WSCD1: variants seen among roughly 807,000 people sequenced by gnomAD.
The protein encoded by WSCD1 is WSC domain sialate O sulfotransferase 1.
Under a neutral mutation model 60.4 loss-of-function variants are expected in WSCD1, and 41 were observed. The ratio of observed to expected loss-of-function variants is 0.68; its 90% CI spans 0.53 to 0.88. WSCD1 has a LOEUF of 0.88. Among genes scored for constraint, WSCD1 ranks in the 40% least tolerant of loss-of-function variants. The pLI, the probability that WSCD1 is intolerant of heterozygous loss-of-function variation, is 0.00. For synonymous variants in WSCD1, 361 were observed against 332.5 expected, an observed-to-expected ratio of 1.09 and a Z score of -0.93; for missense variants, 784 against 796.2, an observed-to-expected ratio of 0.98 and a Z score of 0.18.
At chr17:6,107,194 A>G (rs192218937) in intron 5 of WSCD1, among the ~76,000 whole-genome samples, 1 of 152,192 alleles carries the variant, frequency 6.6e-6, no homozygotes, top group Admixed American at 6.5e-5. Flanking sequence ...CCTTTGTCGT[A>G]TTAGATTAGG....
rs780901136 is a variant in WSCD1 at position 6,080,956 on chromosome 17, C to A, written c.298C>A (p.Arg100Ser). Reference sequence around the variant, plus strand: ...CCTGACCCGGCCCCGGCCCGGCCCCCGCTGGCTCCGGAGCCGCAACTCGGA... The same window carrying A: ...CCTGACCCGGCCCCGGCCCGGCCCCAGCTGGCTCCGGAGCCGCAACTCGGA... ...SPLTRPRPGP[R>S]WLRSRNSELR... Residue 100 changes from arginine (R) to serine (S), a missense_variant, in exon 2 of 9, where the codon CGC becomes AGC. Physicochemically the swap from Arg to Ser is moderately radical, Grantham distance 110. Transcript: ENST00000317744. The surrounding 1 kb of genome is among the most constrained non-coding windows in gnomAD (Gnocchi z 6.6). The A allele has an allele frequency of 1.3e-6, 2 of 1,558,156 alleles. No individual in the cohort carries two copies. The highest frequency in any genetic ancestry group is 1.9e-5 in the Admixed American group (1 of 52,222).
At position 6,120,552 on chromosome 17, in the gene WSCD1, C is replaced by G. The variant is rs1904621595; in HGVS notation, c.1619C>G (p.Pro540Arg). 6.2e-7 allele frequency: 1 copy of G among 1,613,700 alleles called. No homozygotes were observed. The highest frequency in any genetic ancestry group is 1.1e-5 in the South Asian group (1 of 91,090). Reference sequence around the variant, plus strand: ...GGCCGGCGCTCCCACGACCCTGAGCCCTTCACCCCGGAGATGAAAGACTTG... The same window carrying G: ...GGCCGGCGCTCCCACGACCCTGAGCGCTTCACCCCGGAGATGAAAGACTTG... ...RRGRRSHDPEPFTPEMKDLIN... is the reference protein window; with the variant it reads ...RRGRRSHDPERFTPEMKDLIN... Residue 540 changes from proline to arginine, a missense_variant, in exon 9 of 9, where the codon CCC becomes CGC. Physicochemically the swap from Pro to Arg is moderately radical, Grantham distance 103 (BLOSUM62 -2). Transcript: ENST00000317744.
Position 6,090,399 on chromosome 17 carries a change from G to T in WSCD1, c.621G>T (p.Leu207=). 1 of 1,611,488 alleles carries T rather than the reference G, an allele frequency of 6.2e-7. No homozygotes were observed. ...GGCTGCCAGCGGTGAGCGTGGGGCT[G>T]GAAGAGTGTAACCATGAGTGCAAAG... ...GNRLPAVSVG[L]EECNHECKGE... Residue 207 remains leucine, a synonymous_variant, in exon 4 of 9, where the codon CTG becomes CTT. Coordinates refer to ENST00000317744, the MANE Select transcript of WSCD1 (RefSeq NM_015253.2).
chr17:6,100,265 G>A (rs1037855879), intron 5 of WSCD1, among the ~76,000 whole-genome samples: 1 of 152,178 alleles, frequency 6.6e-6, no homozygotes, highest in Non-Finnish European at 1.5e-5. Context: ...AATGTGGGAG[G>A]GAAGTTCTCC....
intron 1 of WSCD1, 72 bp downstream of exon 1, chr17:6,070,724 G>A (rs903805225): frequency 2.0e-5 from 3 of 151,388 alleles, no homozygotes; most frequent in Non-Finnish European, 4.4e-5. Flanking sequence ...CCTTGCCGCG[G>A]GCAAACAAGT....
chr17:6,114,301 C>G (rs1324393543), intron 7 of WSCD1, among the ~76,000 whole-genome samples: 1 of 152,048 alleles, frequency 6.6e-6, no homozygotes, highest in African/African-American at 2.4e-5. Flanking sequence ...AAAAGTTGAT[C>G]TCACTGATGT....
rs1911327133 is a variant in WSCD1 at position 6,110,138 on chromosome 17, AGGACCTGGGAACCCTCCTT to A, written c.1009+375_1009+393del. Among the ~76,000 whole-genome samples, 1 of 152,124 alleles carries A rather than the reference AGGACCTGGGAACCCTCCTT, an allele frequency of 6.6e-6. No individual in the cohort carries two copies. The highest frequency in any genetic ancestry group is 2.1e-4 in the South Asian group (1 of 4,816). On this transcript the variant is annotated intron_variant, in intron 6 of 8. Coordinates refer to ENST00000317744, the MANE Select transcript of WSCD1 (RefSeq NM_015253.2). This position sits in a 1 kb window ranked among gnomAD's most constrained non-coding sequence, Gnocchi z 4.8. ...AGCTGCAGGGGCCACTGGTGCCTCC[AGGACCTGGGAACCCTCCTT>A]GGTGTGAGCATCAGGTCTGCCCCTG...
chr17:6,088,626 C>G (rs914931490), intron 3 of WSCD1, among the ~76,000 whole-genome samples: 1 of 152,196 alleles, frequency 6.6e-6, no homozygotes, highest in Non-Finnish European at 1.5e-5. Context: ...TTGCCAGACA[C>G]TTGTCATGTG....
intron 5 of WSCD1, among the ~76,000 whole-genome samples, chr17:6,097,062 C>T (rs1050230999): frequency 2.6e-5 from 4 of 152,252 alleles, no homozygotes; most frequent in Admixed American, 6.5e-5. Context: ...ACAGAGTGGC[C>T]GGCTTTGCAG....
intron 1 of WSCD1, among the ~76,000 whole-genome samples, chr17:6,079,695 A>G (rs1045343174): frequency 6.6e-6 from 1 of 152,070 alleles, no homozygotes; most frequent in Non-Finnish European, 1.5e-5. Flanking sequence ...GCTCCTTCCA[A>G]CCCAGGCTCA....
chr17:6,102,854 A>G (rs1910882676), intron 5 of WSCD1, among the ~76,000 whole-genome samples: 1 of 152,112 alleles, frequency 6.6e-6, no homozygotes, highest in African/African-American at 2.4e-5. Context: ...GCTGTTATAA[A>G]CAATGCTGCC....
intron 1 of WSCD1, among the ~76,000 whole-genome samples, chr17:6,072,549 G>T (rs1908608674): frequency 6.6e-6 from 1 of 152,226 alleles, no homozygotes; most frequent in South Asian, 2.1e-4. Context: ...CTCTTTCTCT[G>T]GAGGTACAAT....
At chr17:6,109,204 G>T (rs1911266136) in intron 5 of WSCD1, among the ~76,000 whole-genome samples, 1 of 152,116 alleles carries the variant, frequency 6.6e-6, no homozygotes, top group Non-Finnish European at 1.5e-5. Context: ...CCACTCATAT[G>T]GATGCCCCTG....
intron 1 of WSCD1, among the ~76,000 whole-genome samples, chr17:6,079,273 G>A (rs976079619): frequency 4.6e-5 from 7 of 152,176 alleles, no homozygotes; most frequent in Admixed American, 1.3e-4. Flanking sequence ...CGGGGGGCCC[G>A]GACCAAGTTA....
intron 5 of WSCD1, among the ~76,000 whole-genome samples, chr17:6,103,840 G>C (rs1310624219): frequency 6.6e-6 from 1 of 152,084 alleles, no homozygotes; most frequent in South Asian, 2.1e-4. Flanking sequence ...TCTCTGAAAG[G>C]CACTTCAAGA....
chr17:6,100,449 G>A (rs186945170), intron 5 of WSCD1, among the ~76,000 whole-genome samples: 4 of 152,352 alleles, frequency 2.6e-5, no homozygotes, highest in African/African-American at 9.6e-5. Flanking sequence ...CCAACGGAGC[G>A]AGCCTTTGGC....
intron 3 of WSCD1, 111 bp downstream of exon 3, chr17:6,088,215 C>A: frequency 1.1e-6 from 1 of 876,072 alleles, no homozygotes; most frequent in Non-Finnish European, 1.8e-6. Context: ...ATAATTGGAA[C>A]TCACTGCTCA....
At chr17:6,100,278 G>A (rs1910722568) in intron 5 of WSCD1, among the ~76,000 whole-genome samples, 1 of 152,164 alleles carries the variant, frequency 6.6e-6, no homozygotes, top group South Asian at 2.1e-4. Flanking sequence ...AGTTCTCCTT[G>A]GATCCTTCTG....
intron 5 of WSCD1, among the ~76,000 whole-genome samples, chr17:6,100,136 A>T (rs4239267): frequency 0.13 from 19,110 of 152,170 alleles, 1,628 homozygotes; most frequent in African/African-American, 0.24. Context: ...TCTAAGAGAC[A>T]CCACAGGGTT....
Sources: allele counts gnomAD v4.1 joint callset (sites outside exome capture counted in the v4.1 genomes callset), GRCh38; gene constraint gnomAD v4.1.1; non-coding constraint Gnocchi (gnomAD v3.1); transcripts MANE v1.5; gene names NCBI Gene and HGNC (gene_info 2026-07-23, HGNC 2026-07-21).